Variants in FAM200B observed in about 807,000 individuals in gnomAD.
FAM200B encodes the protein zinc finger BED-type containing 11.
In FAM200B, 32 loss-of-function variants were observed where a neutral mutation model predicts 33.1. That is an observed-to-expected ratio of 0.97 (90% CI 0.73 to 1.30). The LOEUF (loss-of-function observed/expected upper bound fraction) is 1.30, where lower values mean the gene tolerates loss of function less well. FAM200B is among the 50% of genes most tolerant of loss of function. The probability of loss-of-function intolerance (pLI) is 0.00; values close to 1 mark genes in which losing one functional copy is unlikely to be tolerated. For missense variants in FAM200B, 741 were observed against 754.0 expected, an observed-to-expected ratio of 0.98 and a Z score of 0.20; for synonymous variants, 240 against 264.8, an observed-to-expected ratio of 0.91 and a Z score of 0.91.
chr4:15,660,505 T>G, the FAM200B span, among the ~76,000 whole-genome samples: 1 of 152,214 alleles, frequency 6.6e-6, no homozygotes, highest in Non-Finnish European at 1.5e-5. Context: ...ACATCTTATT[T>G]GTGTTCACTG....
chr4:15,689,045 C>A lies in FAM200B; in HGVS notation c.*94C>A. On this transcript the variant is annotated 3_prime_UTR_variant, in exon 2 of 2. Coordinates refer to ENST00000422728, the MANE Select transcript of FAM200B (RefSeq NM_001145191.2). Reference sequence around the variant, plus strand: ...TAAATGGTACTATAATACTGTGATACTTTTGTTATGTTTTAATTTTTGTTA... The same window carrying A: ...TAAATGGTACTATAATACTGTGATAATTTTGTTATGTTTTAATTTTTGTTA... 1.1e-6 allele frequency: 1 copy of A among 916,658 alleles called. No individual in the cohort carries two copies. The allele number at this position is 916,658 out of a possible 1,614,324, so 56.8% of individuals were successfully genotyped here.
the FAM200B span, among the ~76,000 whole-genome samples, chr4:15,643,092 C>T: frequency 3.3e-5 from 5 of 152,012 alleles, no homozygotes; most frequent in African/African-American, 9.7e-5. Flanking sequence ...TCAAAGAATA[C>T]GAAAGAATAT....
chr4:15,655,763 G>T, the FAM200B span, among the ~76,000 whole-genome samples: 1 of 152,310 alleles, frequency 6.6e-6, no homozygotes, highest in Admixed American at 6.5e-5. Flanking sequence ...TGCTTGGCCT[G>T]GGTGACCAAT....
chr4:15,666,267 T>A, the FAM200B span, among the ~76,000 whole-genome samples: 8 of 151,990 alleles, frequency 5.3e-5, no homozygotes, highest in African/African-American at 1.9e-4. Flanking sequence ...GGTATGGTGG[T>A]GCATGCCTGT....
the FAM200B span, among the ~76,000 whole-genome samples, chr4:15,654,956 G>A: frequency 6.6e-6 from 1 of 151,846 alleles, no homozygotes; most frequent in Non-Finnish European, 1.5e-5. Flanking sequence ...CAGCCGCCAG[G>A]CCCTCGGCAG....
At chr4:15,674,774 C>G in the FAM200B span, among the ~76,000 whole-genome samples, 5 of 151,944 alleles carry the variant, frequency 3.3e-5, no homozygotes, top group East Asian at 1.9e-4. Context: ...CTCAGCCTCC[C>G]TAGTAGCTGG....
At chr4:15,642,564 T>C in the FAM200B span, among the ~76,000 whole-genome samples, 341 of 152,286 alleles carry the variant, frequency 2.2e-3, no homozygotes, top group Middle Eastern at 3.4e-3. Context: ...ATGAAAATAT[T>C]TTATCTCTGT....
chr4:15,660,075 C>G, the FAM200B span, among the ~76,000 whole-genome samples: 8 of 151,772 alleles, frequency 5.3e-5, no homozygotes, highest in Non-Finnish European at 1.0e-4. Flanking sequence ...TCCTCCCTAC[C>G]CCTGACATTT....
upstream of FAM200B, chr4:15,681,554 C>T (rs908336171): frequency 1.3e-5 from 2 of 154,462 alleles, no homozygotes; most frequent in Non-Finnish European, 2.9e-5. Context: ...CGCGGTGTCT[C>T]CTAGGGTTTC....
the FAM200B span, among the ~76,000 whole-genome samples, chr4:15,646,430 C>T: frequency 6.7e-6 from 1 of 148,474 alleles, no homozygotes; most frequent in Admixed American, 6.7e-5. Context: ...GGTGGCTAAT[C>T]TCTGCAAACA....
At chr4:15,659,086 A>G in the FAM200B span, among the ~76,000 whole-genome samples, 2 of 152,200 alleles carry the variant, frequency 1.3e-5, no homozygotes, top group African/African-American at 4.8e-5. Context: ...CTTTAACTAA[A>G]TAATATATTT....
At position 15,688,207 on chromosome 4, in the gene FAM200B, T is replaced by C. The variant is rs1719069735; in HGVS notation, c.1230T>C (p.Ile410=). ...GGAATGAGATTCACTTTTTTCTCATTGAAAAAAAATCTCATTTGGCAAGTA... is the reference window on the plus strand; with the variant it reads ...GGAATGAGATTCACTTTTTTCTCATCGAAAAAAAATCTCATTTGGCAAGTA... ...ELRNEIHFFL[I]EKKSHLASIF... is the part of the protein sequence containing the mutation. The change falls in exon 2 of 2, where the codon ATT becomes ATC. Residue 410 remains isoleucine, a synonymous_variant. Coordinates refer to ENST00000422728, the MANE Select transcript of FAM200B (RefSeq NM_001145191.2). 1.3e-6 allele frequency: 2 copies of C among 1,550,712 alleles called. No homozygotes were observed. Among genetic ancestry groups the C allele is most frequent in the Non-Finnish European group, 1.7e-6 (2 of 1,146,548 alleles).
the FAM200B span, among the ~76,000 whole-genome samples, chr4:15,670,720 AAC>A: frequency 6.6e-6 from 1 of 151,944 alleles, no homozygotes; most frequent in Non-Finnish European, 1.5e-5. Context: ...GAAAAAAAAA[AAC>A]ATTCTTAGCC....
In FAM200B at chr4:15,687,980, TC is replaced by T. The variant is rs756404301; in HGVS notation, c.1005del (p.Arg336GlufsTer11). 1.5e-4 allele frequency: 234 copies of T among 1,551,154 alleles called. No homozygotes were observed. Among genetic ancestry groups the T allele is most frequent in the Non-Finnish European group, 2.0e-4 (225 of 1,146,728 alleles). Reference protein sequence around the residue: ...HCFIHREGLASREIPQNLMEV... With the variant: ...HCFIHREGLAXREIPQNLMEV... ...TTTTATACATCGTGAAGGTTTAGCATCCAGAGAAATTCCACAGAATCTCATG... is the reference window on the plus strand; with the variant it reads ...TTTTATACATCGTGAAGGTTTAGCATCAGAGAAATTCCACAGAATCTCATG... On this transcript the variant is annotated frameshift_variant, in exon 2 of 2. Transcript: ENST00000422728. LOFTEE classifies it high-confidence loss of function.
chr4:15,670,281 G>C, the FAM200B span, among the ~76,000 whole-genome samples: 113 of 152,312 alleles, frequency 7.4e-4, no homozygotes, highest in Admixed American at 2.0e-3. Flanking sequence ...AAATACCTAG[G>C]AGTAGAAAGG....
chr4:15,638,564 T>C, the FAM200B span: 3 of 1,607,688 alleles, frequency 1.9e-6, no homozygotes, highest in African/African-American at 2.7e-5. Flanking sequence ...CTCTTCAGCA[T>C]GATTCCATAG....
At chr4:15,642,940 G>C in the FAM200B span, among the ~76,000 whole-genome samples, 455 of 152,016 alleles carry the variant, frequency 3.0e-3, 2 homozygotes, top group African/African-American at 0.01. Context: ...CTCCCTTTAA[G>C]TATAATCACT....
the FAM200B span, among the ~76,000 whole-genome samples, chr4:15,643,785 C>T: frequency 6.6e-6 from 1 of 152,124 alleles, no homozygotes; most frequent in Admixed American, 6.5e-5. Context: ...ATAATTATAC[C>T]TTTGGTCACC....
the FAM200B span, chr4:15,655,428 G>A: frequency 4.0e-6 from 4 of 991,668 alleles, no homozygotes; most frequent in African/African-American, 1.8e-5. Context: ...TGGCCGGCGG[G>A]GACGCGGGGG....
Sources: allele counts gnomAD v4.1 joint callset (sites outside exome capture counted in the v4.1 genomes callset), GRCh38; gene constraint gnomAD v4.1.1; transcripts MANE v1.5; gene names NCBI Gene and HGNC (gene_info 2026-07-23, HGNC 2026-07-21).